DAB1: variants seen among roughly 807,000 people sequenced by gnomAD.
DAB1 encodes DAB adaptor protein 1.
Under a neutral mutation model 64.6 loss-of-function variants are expected in DAB1, and 15 were observed. The observed-to-expected ratio is 0.23, with a 90% CI of 0.16 to 0.36. The LOEUF (loss-of-function observed/expected upper bound fraction) is 0.36, where lower values mean the gene tolerates loss of function less well. Ranked by LOEUF, DAB1 falls within the 10% of genes least tolerant of loss-of-function variation. The probability of loss-of-function intolerance (pLI) is 1.00; values close to 1 mark genes in which losing one functional copy is unlikely to be tolerated. For missense variants in DAB1, 596 were observed against 706.7 expected (o/e 0.84, Z 1.78); for synonymous variants, 235 against 251.9 (o/e 0.93, Z 0.64).
intron 7 of DAB1, among the ~76,000 whole-genome samples, chr1:57,480,507 CAG>C (rs1216534857): frequency 1.3e-5 from 2 of 149,126 alleles, no homozygotes; most frequent in Non-Finnish European, 3.0e-5. Flanking sequence ...TTTTTTGAGA[CAG>C]AGTCTCGCTC....
intron 7 of DAB1, among the ~76,000 whole-genome samples, chr1:57,541,685 T>A (rs1644805125): frequency 6.6e-6 from 1 of 152,190 alleles, no homozygotes; most frequent in Non-Finnish European, 1.5e-5. Context: ...GATGAGGTGA[T>A]ATTTGGGTCT....
At chr1:58,472,704 T>C (rs571617668) in intron 3 of DAB1, among the ~76,000 whole-genome samples, 2 of 152,342 alleles carry the variant, frequency 1.3e-5, no homozygotes, top group Admixed American at 1.3e-4. Context: ...GGTTATTACT[T>C]AAAGCTATCT....
At chr1:57,812,841 A>G (rs751233962) in intron 6 of DAB1, among the ~76,000 whole-genome samples, 36 of 152,308 alleles carry the variant, frequency 2.4e-4, no homozygotes, top group Non-Finnish European at 3.4e-4. Context: ...CACAATCCCT[A>G]TTTTACAGAT....
chr1:57,256,919 C>T (rs1669809770), intron 2 of DAB1, among the ~76,000 whole-genome samples: 1 of 152,150 alleles, frequency 6.6e-6, no homozygotes, highest in South Asian at 2.1e-4. Flanking sequence ...CTGGACCAGA[C>T]CCATCCCAGT....
chr1:57,951,321 T>TATATATATATATATATATATATATATAG, intron 5 of DAB1, among the ~76,000 whole-genome samples: 1 of 126,186 alleles, frequency 7.9e-6, no homozygotes, highest in African/African-American at 2.7e-5. Flanking sequence ...CTGATTCATA[T>TATATATATATATATATATATATATATAG]ATATATATAT....
intron 1 of DAB1, among the ~76,000 whole-genome samples, chr1:57,412,914 T>C (rs142430962): frequency 7.2e-5 from 11 of 152,334 alleles, no homozygotes; most frequent in Non-Finnish European, 1.0e-4. Flanking sequence ...CAGCCTTATA[T>C]TGGAAGAAGG....
intron 4 of DAB1, among the ~76,000 whole-genome samples, chr1:58,158,147 AG>A: frequency 6.6e-6 from 1 of 152,120 alleles, no homozygotes; most frequent in Non-Finnish European, 1.5e-5. Context: ...GCATGGAGAA[AG>A]GAAGACCAAA....
At chr1:58,192,235 G>A (rs1480529435) in intron 4 of DAB1, among the ~76,000 whole-genome samples, 1 of 152,188 alleles carries the variant, frequency 6.6e-6, no homozygotes, top group Admixed American at 6.5e-5. Context: ...GCCAGGGGCT[G>A]GCAGGGCTAG....
At chr1:57,460,393 C>T (rs1686744402) in intron 7 of DAB1, among the ~76,000 whole-genome samples, 1 of 152,168 alleles carries the variant, frequency 6.6e-6, no homozygotes, top group Non-Finnish European at 1.5e-5. Context: ...CCTAGCCACA[C>T]AGAAATGAAG....
At chr1:58,178,090 G>C (rs1656586793) in intron 4 of DAB1, among the ~76,000 whole-genome samples, 1 of 152,108 alleles carries the variant, frequency 6.6e-6, no homozygotes, top group Non-Finnish European at 1.5e-5. Context: ...TATGGATTCT[G>C]TTCTCTCAGC....
chr1:57,047,889 C>T (rs1291683304), intron 9 of DAB1, among the ~76,000 whole-genome samples: 1 of 152,166 alleles, frequency 6.6e-6, no homozygotes, highest in Non-Finnish European at 1.5e-5. Context: ...AAACCATCTT[C>T]GTCGCTGGGG....
intron 5 of DAB1, among the ~76,000 whole-genome samples, chr1:58,015,353 C>T (rs191913427): frequency 6.6e-6 from 1 of 152,170 alleles, no homozygotes; most frequent in African/African-American, 2.4e-5. Flanking sequence ...CTCATTTTCC[C>T]ATCTCCTCTT....
chr1:57,699,639 G>A (rs1304445550), intron 6 of DAB1, among the ~76,000 whole-genome samples: 6 of 152,188 alleles, frequency 3.9e-5, no homozygotes, highest in Non-Finnish European at 8.8e-5. Context: ...AAGGGGCCAG[G>A]TGTGGTGGCT....
At chr1:57,936,754 T>C (rs1281008395) in intron 5 of DAB1, among the ~76,000 whole-genome samples, 2 of 152,196 alleles carry the variant, frequency 1.3e-5, no homozygotes, top group African/African-American at 2.4e-5. Flanking sequence ...ACTTTAATGA[T>C]GTCACCCACC....
At chr1:58,162,184 G>A (rs1433306382) in intron 4 of DAB1, among the ~76,000 whole-genome samples, 4 of 152,066 alleles carry the variant, frequency 2.6e-5, no homozygotes, top group Admixed American at 6.6e-5. Context: ...TTAAAGTAAC[G>A]GGAAAAGAGG....
At chr1:57,048,388 A>G (rs1461461765) in intron 9 of DAB1, among the ~76,000 whole-genome samples, 1 of 152,256 alleles carries the variant, frequency 6.6e-6, no homozygotes, top group Non-Finnish European at 1.5e-5. Flanking sequence ...CAACTTGCCT[A>G]GAATCATACA....
chr1:57,689,964 T>G (rs1243158404), intron 6 of DAB1, among the ~76,000 whole-genome samples: 1 of 152,052 alleles, frequency 6.6e-6, no homozygotes, highest in African/African-American at 2.4e-5. Flanking sequence ...TGAGTTCAAT[T>G]GTTTTGATTT....
intron 6 of DAB1, among the ~76,000 whole-genome samples, chr1:57,766,524 C>T (rs918389922): frequency 3.9e-5 from 6 of 152,262 alleles, no homozygotes; most frequent in Non-Finnish European, 5.9e-5. Context: ...TTTCTCTGCA[C>T]GCAGTGTTCT....
At chr1:58,080,800 G>A (rs1262116860) in intron 5 of DAB1, among the ~76,000 whole-genome samples, 1 of 152,188 alleles carries the variant, frequency 6.6e-6, no homozygotes, top group Non-Finnish European at 1.5e-5. Flanking sequence ...AGGAATGTTT[G>A]GAAGGCAGAC....
Sources: allele counts gnomAD v4.1 joint callset (sites outside exome capture counted in the v4.1 genomes callset), GRCh38; gene constraint gnomAD v4.1.1; transcripts MANE v1.5; gene names NCBI Gene and HGNC (gene_info 2026-07-23, HGNC 2026-07-21).